NAV2: variants seen among roughly 807,000 people sequenced by gnomAD.
NAV2 encodes helicase, APC down-regulated 1.
Under a neutral mutation model 223.2 loss-of-function variants are expected in NAV2, and 54 were observed. The ratio of observed to expected loss-of-function variants is 0.24; its 90% confidence interval spans 0.19 to 0.30. The LOEUF (loss-of-function observed/expected upper bound fraction) is 0.30, where lower values mean the gene tolerates loss of function less well. Among genes scored for constraint, NAV2 ranks in the 10% least tolerant of loss-of-function variants. The probability of loss-of-function intolerance (pLI) is 1.00; values close to 1 mark genes in which losing one functional copy is unlikely to be tolerated. For missense variants in NAV2, 2,806 were observed against 3,147.5 expected (o/e 0.89, Z 2.60); for synonymous variants, 1,279 against 1,239.3 (o/e 1.03, Z -0.67).
At chr11:19,542,317 C>A (rs1447615908) in intron 1 of NAV2, among the ~76,000 whole-genome samples, 2 of 152,196 alleles carry the variant, frequency 1.3e-5, no homozygotes, top group Non-Finnish European at 2.9e-5. Context: ...TTCATAATAA[C>A]CCTCTAGGGT....
chr11:19,691,908 G>A (rs751035347), intron 1 of NAV2, among the ~76,000 whole-genome samples: 1 of 152,228 alleles, frequency 6.6e-6, no homozygotes, highest in African/African-American at 2.4e-5. Flanking sequence ...ATGCTTGAAG[G>A]CCTGTGTGTT....
At chr11:19,706,105 T>C (rs1565182439) in intron 1 of NAV2, among the ~76,000 whole-genome samples, 1 of 152,218 alleles carries the variant, frequency 6.6e-6, no homozygotes, top group African/African-American at 2.4e-5. Context: ...ATATGTGATT[T>C]ATATTTCCAC....
At chr11:20,004,207 G>T (rs986486880) in intron 11 of NAV2, among the ~76,000 whole-genome samples, 10 of 152,118 alleles carry the variant, frequency 6.6e-5, no homozygotes, top group Admixed American at 5.9e-4. Context: ...ACCTCAAAAG[G>T]CTTAATTTGC....
chr11:19,423,718 C>T (rs1850710612), intron 1 of NAV2, among the ~76,000 whole-genome samples: 1 of 152,220 alleles, frequency 6.6e-6, no homozygotes, highest in Non-Finnish European at 1.5e-5. Flanking sequence ...CTCTACACAG[C>T]TACTTCAGGG....
chr11:19,585,250 C>G (rs886806110), intron 1 of NAV2, among the ~76,000 whole-genome samples: 16 of 152,132 alleles, frequency 1.1e-4, no homozygotes, highest in South Asian at 2.1e-4. Flanking sequence ...TCCTCCATCC[C>G]TTTGTTTTGA....
At chr11:19,545,065 T>C (rs2044455353) in intron 1 of NAV2, among the ~76,000 whole-genome samples, 1 of 152,202 alleles carries the variant, frequency 6.6e-6, no homozygotes, top group Non-Finnish European at 1.5e-5. Context: ...AGCAGTTGCC[T>C]TAATCAAAGA....
chr11:19,470,077 G>T (rs1038613231), intron 1 of NAV2, among the ~76,000 whole-genome samples: 2 of 152,238 alleles, frequency 1.3e-5, no homozygotes, highest in African/African-American at 4.8e-5. Context: ...TGAGGTAGGG[G>T]TGGAAGACCT....
At chr11:19,833,878 C>T (rs552553188) in intron 2 of NAV2, among the ~76,000 whole-genome samples, 9 of 152,222 alleles carry the variant, frequency 5.9e-5, no homozygotes, top group Admixed American at 1.3e-4. Context: ...CCATCACCTC[C>T]TAGAAGCTGC....
chr11:19,698,918 T>C (rs969121988), intron 1 of NAV2, among the ~76,000 whole-genome samples: 15 of 152,160 alleles, frequency 9.9e-5, no homozygotes, highest in African/African-American at 3.6e-4. Context: ...TCTGAAGTCC[T>C]TTTCCATACC....
intron 6 of NAV2, among the ~76,000 whole-genome samples, chr11:19,913,543 A>G (rs952200773): frequency 6.6e-6 from 1 of 152,210 alleles, no homozygotes; most frequent in Non-Finnish European, 1.5e-5. Context: ...ATTGTAAACT[A>G]GCAAAATGTA....
intron 1 of NAV2, among the ~76,000 whole-genome samples, chr11:19,800,141 A>G (rs950126856): frequency 6.6e-6 from 1 of 152,134 alleles, no homozygotes; most frequent in African/African-American, 2.4e-5. Flanking sequence ...TCTTCTATCC[A>G]TCGCCCCCAC....
At chr11:19,908,535 T>C (rs967460009) in intron 6 of NAV2, among the ~76,000 whole-genome samples, 15 of 152,242 alleles carry the variant, frequency 9.9e-5, no homozygotes, top group African/African-American at 3.4e-4. Flanking sequence ...TAGCCTACGC[T>C]CTGTGCTGTC....
chr11:19,832,985 C>T (rs996396860), intron 2 of NAV2, among the ~76,000 whole-genome samples: 7 of 152,126 alleles, frequency 4.6e-5, no homozygotes, highest in African/African-American at 1.4e-4. Flanking sequence ...AAAAAAGTAA[C>T]GTGGGGCTGG....
chr11:19,395,761 C>T (rs1309213974), intron 1 of NAV2, among the ~76,000 whole-genome samples: 1 of 152,222 alleles, frequency 6.6e-6, no homozygotes, highest in African/African-American at 2.4e-5. Flanking sequence ...CTCCCTTCCT[C>T]ATGGTCTCTG....
chr11:19,982,469 G>A (rs1182373121), intron 10 of NAV2, among the ~76,000 whole-genome samples: 1 of 152,100 alleles, frequency 6.6e-6, no homozygotes, highest in African/African-American at 2.4e-5. Context: ...CAATTTGATG[G>A]TTTTTAATGT....
At chr11:19,871,654 G>A (rs894135381) in intron 4 of NAV2, among the ~76,000 whole-genome samples, 16 of 152,142 alleles carry the variant, frequency 1.1e-4, no homozygotes, top group African/African-American at 3.1e-4. Flanking sequence ...TAGCAGGAAC[G>A]TGTGGGCTCC....
chr11:19,929,004 C>G (rs2045058388), intron 6 of NAV2, among the ~76,000 whole-genome samples: 2 of 152,116 alleles, frequency 1.3e-5, no homozygotes, highest in African/African-American at 4.8e-5. Context: ...CCTGTAATCC[C>G]AGCACTTTGG....
chr11:19,904,496 G>A (rs2042703708), intron 6 of NAV2, among the ~76,000 whole-genome samples: 1 of 152,112 alleles, frequency 6.6e-6, no homozygotes. Context: ...AACCTCTTCA[G>A]GGTGAGACCC....
chr11:19,628,951 G>C (rs1289532162), intron 1 of NAV2, among the ~76,000 whole-genome samples: 1 of 152,118 alleles, frequency 6.6e-6, no homozygotes, highest in Non-Finnish European at 1.5e-5. Flanking sequence ...TGACCTTGCT[G>C]CAAGCACCTG....
Sources: allele counts gnomAD v4.1 joint callset (sites outside exome capture counted in the v4.1 genomes callset), GRCh38; gene constraint gnomAD v4.1.1; transcripts MANE v1.5; gene names NCBI Gene and HGNC (gene_info 2026-07-23, HGNC 2026-07-21).